Variants in NKPD1 observed in about 807,000 individuals in gnomAD.
NKPD1 encodes the protein NTPase KAP family P-loop domain-containing protein 1.
NKPD1 carries 37 observed loss-of-function variants against 42.2 expected under a neutral mutation model. The ratio of observed to expected loss-of-function variants is 0.88; its 90% CI spans 0.67 to 1.15. NKPD1 has a LOEUF of 1.15. Ranked by LOEUF, NKPD1 falls within the 50% of genes most tolerant of loss-of-function variation. NKPD1 has a pLI of 0.00. For missense variants in NKPD1, 1,113 were observed against 1,174.6 expected (o/e 0.95, Z 0.77); for synonymous variants, 552 against 536.5 (o/e 1.03, Z -0.40).
At chr19:45,160,551 C>G (rs1438612116) in intron 1 of NKPD1, among the ~76,000 whole-genome samples, 1 of 151,754 alleles carries the variant, frequency 6.6e-6, no homozygotes, top group East Asian at 1.9e-4. Flanking sequence ...ACCAAGGGGT[C>G]ATTAAGGTGT....
In NKPD1 at chr19:45,152,588, C is replaced by T; in HGVS notation, c.1849G>A (p.Asp617Asn). 6.3e-7 allele frequency: 1 copy of T among 1,585,452 alleles called. No homozygotes were observed. The highest frequency in any genetic ancestry group is 8.5e-7 in the Non-Finnish European group (1 of 1,175,152). Residue 617 changes from aspartate (D) to asparagine (N), a missense_variant, in exon 5 of 5, where the codon GAC becomes AAC. By Grantham distance (23) the Asp-to-Asn change is conservative (BLOSUM62 1). Coordinates refer to ENST00000686631, the MANE Select transcript of NKPD1 (RefSeq NM_198478.4). The part of the protein sequence containing the change: ...ERDCLYEYVP[D>N]NVVSMRRIVN... ...ATGCGCCGCATGGACACCACGTTGT[C>T]GGGCACGTACTCGTAGAGGCAGTCG...
At chr19:45,162,117 G>A (rs578081274), upstream of NKPD1, among the ~76,000 whole-genome samples, 5 of 151,890 alleles carry the variant, frequency 3.3e-5, no homozygotes, top group Non-Finnish European at 7.4e-5. Context: ...CCACACCCCC[G>A]GCCCGATCAT....
At chr19:45,157,309 C>G (rs568502280) in intron 3 of NKPD1, among the ~76,000 whole-genome samples, 1 of 152,236 alleles carries the variant, frequency 6.6e-6, no homozygotes, top group Non-Finnish European at 1.5e-5. Context: ...TCTGCTCAAA[C>G]GCTGCCTTAA....
At position 45,153,047 on chromosome 19, in the gene NKPD1, A is replaced by G. The variant is rs1269416084; in HGVS notation, c.1390T>C (p.Cys464Arg). Residue 464 changes from cysteine to arginine, a missense_variant, in exon 5 of 5, where the codon TGC becomes CGC. Coordinates refer to ENST00000686631, the MANE Select transcript of NKPD1 (RefSeq NM_198478.4). ...VVLEVTGLDT[C>R]YPERVVGVLN... ...ACGCCCACCACGCGCTCCGGGTAGC[A>G]CGTGTCCAGCCCGGTGACCTCCAGC... 2 of 1,586,012 alleles carry G rather than the reference A, an allele frequency of 1.3e-6. No individual in the cohort carries two copies. The highest frequency in any genetic ancestry group is 1.7e-6 in the Non-Finnish European group (2 of 1,166,628).
intron 2 of NKPD1, among the ~76,000 whole-genome samples, 199 bp from the exon 3 acceptor site, chr19:45,159,299 G>A (rs1030151509): frequency 3.3e-5 from 5 of 152,198 alleles, no homozygotes; most frequent in African/African-American, 4.8e-5. Context: ...TCCCATGGCG[G>A]GGGAGCAGGG....
At position 45,152,573 on chromosome 19, in the gene NKPD1, T is replaced by G; in HGVS notation, c.1864A>C (p.Met622Leu). The G allele has an allele frequency of 1.3e-6, 2 of 1,586,152 alleles. No homozygotes were observed. The highest frequency in any genetic ancestry group is 1.1e-5 in the South Asian group (1 of 89,488). The change falls in exon 5 of 5, where the codon ATG becomes CTG. Residue 622 changes from methionine to leucine, a missense_variant. Around this residue, in one of 3 missense-constraint regions of NKPD1, gnomAD observed 867 missense variants for 870.1 expected, o/e 1.00. Transcript: ENST00000686631. Reference protein sequence around the residue: ...YEYVPDNVVSMRRIVNTVPIT... With the variant: ...YEYVPDNVVSLRRIVNTVPIT... ...GGCACGGTGTTGACGATGCGCCGCA[T>G]GGACACCACGTTGTCGGGCACGTAC...
chr19:45,153,811 A>T (rs1028282600), intron 4 of NKPD1, 36 bp from the exon 5 acceptor site: 6 of 1,412,880 alleles, frequency 4.2e-6, no homozygotes, highest in Non-Finnish European at 5.5e-6. Context: ...CGTGAGCCGC[A>T]GACCCGCCGG....
intron 3 of NKPD1, among the ~76,000 whole-genome samples, chr19:45,157,305 C>T (rs1568458432): frequency 1.3e-5 from 2 of 152,234 alleles, no homozygotes; most frequent in African/African-American, 4.8e-5. Flanking sequence ...GGTCTCTGCT[C>T]AAACGCTGCC....
intron 3 of NKPD1, 52 bp from the exon 4 acceptor site, chr19:45,155,968 C>T (rs942120668): frequency 7.8e-7 from 1 of 1,282,848 alleles, no homozygotes; most frequent in Non-Finnish European, 1.0e-6. Flanking sequence ...CAGGCACCAC[C>T]CTCCTCCCAT....
At chr19:45,153,857 T>C in intron 4 of NKPD1, 82 bp from the exon 5 acceptor site, 1 of 1,332,056 alleles carries the variant, frequency 7.5e-7, no homozygotes. Context: ...GGCGGAGCGC[T>C]CCTGGAGAGG....
chr19:45,151,994 A>G lies in NKPD1; in HGVS notation c.2443T>C (p.Trp815Arg), dbSNP rs745863088. 1 of 1,608,740 alleles carries G rather than the reference A, an allele frequency of 6.2e-7. No homozygotes were observed. Among genetic ancestry groups the G allele is most frequent in the Non-Finnish European group, 8.5e-7 (1 of 1,177,386 alleles). ...CGGAAGAGCGCACAGGCCACCGGCC[A>G]TAGCTTGCCCCTGTGGGCCAAGTCC... Reference protein sequence around the residue: ...TGDLAHRGKLWPVACALFRPG... With the variant: ...TGDLAHRGKLRPVACALFRPG... Residue 815 changes from tryptophan (W) to arginine (R), a missense_variant, in exon 5 of 5, where the codon TGG becomes CGG. Physicochemically the swap from Trp to Arg is moderately radical, Grantham distance 101. Coordinates refer to ENST00000686631, the MANE Select transcript of NKPD1 (RefSeq NM_198478.4).
chr19:45,159,488 G>A (rs893233314), intron 2 of NKPD1, among the ~76,000 whole-genome samples: 18 of 152,146 alleles, frequency 1.2e-4, no homozygotes, highest in African/African-American at 3.4e-4. Context: ...CAGGGAGGCC[G>A]GAGTGATGGG....
rs746894197 is a variant in NKPD1, at chr19:45,153,782, G to T, written c.662-7C>A. ...GCCTCCTGCTGCATCAGCGCTGCGGGAAGGGAGCCCGGGAGCCGCGTGAGC... is the reference window on the plus strand; with the variant it reads ...GCCTCCTGCTGCATCAGCGCTGCGGTAAGGGAGCCCGGGAGCCGCGTGAGC... On this transcript the variant is annotated splice_region_variant and splice_polypyrimidine_tract_variant and intron_variant, in intron 4 of 4. Transcript: ENST00000686631. The T allele has an allele frequency of 9.7e-5, 141 of 1,452,376 alleles. No homozygotes were observed. In the African/African-American group the frequency reaches 1.7e-3, roughly 17 times the overall value. 90.0% of individuals were successfully genotyped at this position (1,452,376 alleles called of 1,614,324 possible).
In NKPD1 at chr19:45,160,215, G is replaced by A. The variant is rs769558959; in HGVS notation, c.-65C>T. 3.5e-5 allele frequency: 36 copies of A among 1,029,556 alleles called. No individual in the cohort carries two copies. The highest frequency in any genetic ancestry group is 2.4e-4 in the Middle Eastern group (1 of 4,152). The allele number at this position is 1,029,556 out of a possible 1,614,324, so 63.8% of individuals were successfully genotyped here. On this transcript the variant is annotated 5_prime_UTR_variant, in exon 2 of 5. It adds an upstream start codon to the 5' untranslated region. Transcript: ENST00000686631. ...GCAGGAGGGAGCACACAGGCTTGGC[G>A]TAGCCTCTGGGGCACGAACAGCAGA...
rs778325897 is a variant in NKPD1, at chr19:45,152,256, G to A, written c.2181C>T (p.Ala727=). The A allele has an allele frequency of 1.2e-6, 2 of 1,608,800 alleles. No individual in the cohort carries two copies. The highest frequency in any genetic ancestry group is 1.7e-5 in the Admixed American group (1 of 59,668). Residue 727 remains alanine, a synonymous_variant, in exon 5 of 5, where the codon GCC becomes GCT. Transcript: ENST00000686631. ...CCTCGGCCACGGTGAAGGGGAAGTC[G>A]GCGCCCAGGAAGCGCTCGAAGAGCT... ...DPELFERFLG[A]DFPFTVAEAQ...
intron 4 of NKPD1, 68 bp downstream of exon 4, chr19:45,155,717 T>C (rs937945087): frequency 1.6e-6 from 2 of 1,248,264 alleles, no homozygotes; most frequent in Admixed American, 2.4e-5. Context: ...GGGGGAAGCC[T>C]GGAGCTGGGC....
At position 45,153,635 on chromosome 19, in the gene NKPD1, G is replaced by C; in HGVS notation, c.802C>G (p.His268Asp). Residue 268 changes from histidine to aspartate, a missense_variant, in exon 5 of 5, where the codon CAC (histidine) becomes GAC (aspartate). By Grantham distance (81) the His-to-Asp change is moderately conservative. Around this residue, in one of 3 missense-constraint regions of NKPD1, gnomAD observed 867 missense variants for 870.1 expected, o/e 1.00. Coordinates refer to ENST00000686631, the MANE Select transcript of NKPD1 (RefSeq NM_198478.4). The stretch of plus-strand genomic sequence containing the variant: ...AACTGCACGTTCCTGCGCCGCAGGT[G>C]CACCTCGGTGATGATGGGCTGCAGG... The part of the protein sequence containing the change: ...VFLQPIITEV[H>D]LRRRNVQFLF... The C allele has an allele frequency of 6.3e-7, 1 of 1,583,542 alleles. No individual in the cohort carries two copies. Among genetic ancestry groups the C allele is most frequent in the South Asian group, 1.1e-5 (1 of 87,612 alleles).
At chr19:45,156,164 G>A (rs983336627) in intron 3 of NKPD1, among the ~76,000 whole-genome samples, 1 of 152,188 alleles carries the variant, frequency 6.6e-6, no homozygotes, top group African/African-American at 2.4e-5. Flanking sequence ...CACACCAGAG[G>A]CTGAGGCTGC....
chr19:45,160,001 A>C (rs1409338901), intron 2 of NKPD1, 59 bp downstream of exon 2: 3 of 991,692 alleles, frequency 3.0e-6, no homozygotes, highest in Non-Finnish European at 4.2e-6. Flanking sequence ...TCCTCCATTC[A>C]CTCTGGCTTC....
Sources: gnomAD v4.1 joint callset for allele counts (sites outside exome capture counted in the v4.1 genomes callset) on GRCh38, gnomAD v4.1.1 for gene constraint, gnomAD v4.1.1 regional missense constraint, MANE v1.5 for transcripts, NCBI Gene and HGNC (gene_info 2026-07-23, HGNC 2026-07-21) for gene names.